DLG2: variants seen among roughly 807,000 people sequenced by gnomAD.
DLG2 encodes the protein disks large homolog 2.
DLG2 carries 45 observed loss-of-function variants against 132.5 expected under a neutral mutation model. The ratio of observed to expected loss-of-function variants is 0.34; its 90% CI spans 0.27 to 0.44. The LOEUF (loss-of-function observed/expected upper bound fraction) is 0.44. Ranked by LOEUF, DLG2 falls within the 20% of genes least tolerant of loss-of-function variation. The pLI, the probability that DLG2 is intolerant of heterozygous loss-of-function variation, is 1.00. For missense variants in DLG2, 1,045 were observed against 1,196.9 expected, an observed-to-expected ratio of 0.87 and a Z score of 1.87; for synonymous variants, 424 against 419.6, an observed-to-expected ratio of 1.01 and a Z score of -0.13.
At chr11:83,891,551 T>C (rs1424385158) in intron 15 of DLG2, among the ~76,000 whole-genome samples, 1 of 152,192 alleles carries the variant, frequency 6.6e-6, no homozygotes, top group Non-Finnish European at 1.5e-5. Context: ...ATAAAACAGC[T>C]GGAAAAGGGT....
intron 3 of DLG2, among the ~76,000 whole-genome samples, chr11:85,525,905 G>A (rs779862902): frequency 6.6e-5 from 10 of 152,302 alleles, no homozygotes; most frequent in Middle Eastern, 3.4e-3. Flanking sequence ...CAGAGGATCC[G>A]CCTTTAGTCT....
At chr11:84,649,364 A>G (rs1405679687) in intron 6 of DLG2, among the ~76,000 whole-genome samples, 1 of 152,178 alleles carries the variant, frequency 6.6e-6, no homozygotes, top group East Asian at 1.9e-4. Context: ...AGCAGAAAAT[A>G]TTTGTTTTTA....
chr11:85,605,426 A>G (rs571585483), intron 2 of DLG2, among the ~76,000 whole-genome samples: 1 of 152,352 alleles, frequency 6.6e-6, no homozygotes, highest in Non-Finnish European at 1.5e-5. Flanking sequence ...TGAATCACAA[A>G]TGTTCAAATT....
At chr11:85,529,995 T>TTG (rs1555174001) in intron 3 of DLG2, among the ~76,000 whole-genome samples, 2 of 150,186 alleles carry the variant, frequency 1.3e-5, no homozygotes, top group Non-Finnish European at 3.0e-5. Context: ...TTGTTTTTTT[T>TTG]TTTTTTTTTT....
chr11:84,182,096 A>T (rs1277336607), intron 8 of DLG2, among the ~76,000 whole-genome samples: 4 of 152,178 alleles, frequency 2.6e-5, no homozygotes, highest in Non-Finnish European at 5.9e-5. Context: ...AACTTACATG[A>T]AACAGTCATC....
At chr11:83,781,938 TA>T (rs1262568864) in intron 18 of DLG2, among the ~76,000 whole-genome samples, 1 of 152,208 alleles carries the variant, frequency 6.6e-6, no homozygotes, top group Non-Finnish European at 1.5e-5. Flanking sequence ...AATTAGGTTG[TA>T]ATCAATTCCC....
chr11:84,121,895 T>C (rs889773538), intron 9 of DLG2, among the ~76,000 whole-genome samples: 3 of 151,972 alleles, frequency 2.0e-5, no homozygotes, highest in African/African-American at 7.3e-5. Flanking sequence ...ATATGTATAA[T>C]TTTTCAAATT....
chr11:83,672,329 C>A (rs2076971765), intron 18 of DLG2, among the ~76,000 whole-genome samples: 1 of 152,006 alleles, frequency 6.6e-6, no homozygotes, highest in African/African-American at 2.4e-5. Flanking sequence ...GGACTACAGG[C>A]ACCACGCCCG....
chr11:85,579,844 G>A (rs1212582709), intron 3 of DLG2, among the ~76,000 whole-genome samples: 1 of 152,124 alleles, frequency 6.6e-6, no homozygotes, highest in African/African-American at 2.4e-5. Flanking sequence ...GAGCCACTGT[G>A]CTCAGCCATA....
At chr11:84,913,654 T>C (rs924261846) in intron 6 of DLG2, among the ~76,000 whole-genome samples, 1 of 152,186 alleles carries the variant, frequency 6.6e-6, no homozygotes, top group Admixed American at 6.5e-5. Flanking sequence ...TGCATTCATA[T>C]ACATATATAT....
At chr11:83,851,442 T>C (rs997461979) in intron 16 of DLG2, among the ~76,000 whole-genome samples, 1 of 150,722 alleles carries the variant, frequency 6.6e-6, no homozygotes, top group African/African-American at 2.4e-5. Flanking sequence ...TTGGCCAACA[T>C]GGTGAAACCT....
intron 7 of DLG2, among the ~76,000 whole-genome samples, chr11:84,471,682 C>T (rs940444260): frequency 3.3e-5 from 5 of 151,766 alleles, no homozygotes; most frequent in African/African-American, 1.2e-4. Context: ...GTAAGGAATT[C>T]CTTCATCTGC....
intron 11 of DLG2, among the ~76,000 whole-genome samples, chr11:84,034,327 A>G (rs1036464422): frequency 1.3e-5 from 2 of 152,192 alleles, no homozygotes; most frequent in Non-Finnish European, 2.9e-5. Context: ...ATACTGTTGC[A>G]TACTCAATAG....
intron 6 of DLG2, among the ~76,000 whole-genome samples, chr11:84,780,403 T>C (rs542124537): frequency 7.9e-5 from 12 of 152,192 alleles, no homozygotes; most frequent in African/African-American, 2.6e-4. Context: ...CCATATATAA[T>C]ATACACACAG....
chr11:83,715,097 T>G (rs2153670480), intron 18 of DLG2, among the ~76,000 whole-genome samples: 1 of 152,248 alleles, frequency 6.6e-6, no homozygotes, highest in South Asian at 2.1e-4. Context: ...AAGGATGAGT[T>G]CATGTCCTTG....
At position 84,967,883 on chromosome 11, in the gene DLG2, T is replaced by C. The variant is rs191810396; in HGVS notation, c.357+143778A>G. 2.8e-3 allele frequency among the ~76,000 whole-genome samples: 428 copies of C among 152,262 alleles called. 3 individuals carry two copies. Among genetic ancestry groups the C allele is most frequent in the Non-Finnish European group, 4.4e-3 (301 of 67,988 alleles). On this transcript the variant is annotated intron_variant, in intron 6 of 27. Coordinates refer to ENST00000376104, the MANE Select transcript of DLG2 (RefSeq NM_001142699.3). ...TGATCAGCTATGTTCATTTTCAATA[T>C]ATTTTCTAAGAAAATAAGCTTCTAA...
chr11:83,860,839 G>C (rs757444294), intron 16 of DLG2, among the ~76,000 whole-genome samples: 3 of 152,154 alleles, frequency 2.0e-5, no homozygotes, highest in Non-Finnish European at 4.4e-5. Context: ...ATGTGGGTGG[G>C]TCTTTCCTGT....
At chr11:84,747,166 G>A (rs977747711) in intron 6 of DLG2, among the ~76,000 whole-genome samples, 3 of 152,110 alleles carry the variant, frequency 2.0e-5, no homozygotes, top group African/African-American at 7.2e-5. Flanking sequence ...GAAGAAGGGA[G>A]GGGACAAATG....
intron 3 of DLG2, among the ~76,000 whole-genome samples, chr11:85,574,814 C>T (rs1384028588): frequency 1.3e-5 from 2 of 152,146 alleles, no homozygotes; most frequent in Non-Finnish European, 2.9e-5. Context: ...CAGGCTTGCA[C>T]AGTCTGCAGA....
Sources: gnomAD v4.1 joint callset for allele counts (sites outside exome capture counted in the v4.1 genomes callset) on GRCh38, gnomAD v4.1.1 for gene constraint, MANE v1.5 for transcripts, NCBI Gene and HGNC (gene_info 2026-07-23, HGNC 2026-07-21) for gene names.